C3orf20: variants seen among roughly 807,000 people sequenced by gnomAD.
C3orf20 encodes uncharacterized protein C3orf20.
A neutral mutation model predicts 88.3 loss-of-function variants in C3orf20; 76 were observed. The observed-to-expected ratio is 0.86, with a 90% CI of 0.72 to 1.04. C3orf20 has a LOEUF of 1.04. Ranked by LOEUF, C3orf20 falls within the 50% of genes least tolerant of loss-of-function variation. The pLI, the probability that C3orf20 is intolerant of heterozygous loss-of-function variation, is 0.00. For missense variants in C3orf20, 1,056 were observed against 1,123.3 expected, an observed-to-expected ratio of 0.94 and a Z score of 0.86; for synonymous variants, 436 against 437.4, an observed-to-expected ratio of 1.00 and a Z score of 0.04.
chr3:14,696,802 A>C (rs915143778), intron 5 of C3orf20, among the ~76,000 whole-genome samples: 1 of 151,894 alleles, frequency 6.6e-6, no homozygotes, highest in African/African-American at 2.4e-5. Context: ...TGAGTTTTAT[A>C]CTAACACCTT....
rs760309641 is a variant in C3orf20, at chr3:14,682,868, A to G, written c.155A>G (p.Glu52Gly). 3 of 1,614,196 alleles carry G rather than the reference A, an allele frequency of 1.9e-6. No homozygotes were observed. Among genetic ancestry groups the G allele is most frequent in the Non-Finnish European group, 2.5e-6 (3 of 1,180,032 alleles). The change falls in exon 3 of 17, where the codon GAA becomes GGA. Residue 52 changes from glutamate (E) to glycine (G), a missense_variant. Glu to Gly is a moderately conservative substitution (Grantham distance 98). Transcript: ENST00000253697. ...AGAAACATCTTTGAGTTCACTTGGG[A>G]AGAGCTCATCAGTGACCCTTCAGTG... ...GIRNIFEFTWEELISDPSVPT... is the reference protein window; with the variant it reads ...GIRNIFEFTWGELISDPSVPT...
rs556765066 is a variant in C3orf20, at chr3:14,688,543, A to G, written c.626-1454A>G. Among the ~76,000 whole-genome samples, 213 of 151,130 alleles carry G rather than the reference A, an allele frequency of 1.4e-3. 3 individuals are homozygous for G. Among genetic ancestry groups the G allele is most frequent in the Middle Eastern group, 0.014 (4 of 290 alleles). On this transcript the variant is annotated intron_variant, in intron 4 of 16. Coordinates refer to ENST00000253697, the MANE Select transcript of C3orf20 (RefSeq NM_032137.5). ...TGAGACTGTCTCAAAAAAAAAAAAA[A>G]AAAGAAAAAAAAGAAAAGAAAAAGA...
intron 1 of C3orf20, among the ~76,000 whole-genome samples, chr3:14,675,874 A>G (rs1234014287): frequency 6.6e-6 from 1 of 152,020 alleles, no homozygotes. Context: ...TATTTTTAGT[A>G]GAAATGGGGT....
chr3:14,683,246 G>A, intron 3 of C3orf20, 49 bp downstream of exon 3: 1 of 1,516,186 alleles, frequency 6.6e-7, no homozygotes, highest in Non-Finnish European at 8.8e-7. Flanking sequence ...ACTACAGACG[G>A]GCGTCTCAGA....
chr3:14,748,384 T>C (rs2035120508), intron 12 of C3orf20, among the ~76,000 whole-genome samples: 1 of 152,160 alleles, frequency 6.6e-6, no homozygotes, highest in Admixed American at 6.5e-5. Flanking sequence ...ATATTTAGTC[T>C]GCTCTATACA....
chr3:14,692,008 T>C lies in C3orf20; in HGVS notation c.745+1892T>C, dbSNP rs545481762. On this transcript the variant is annotated intron_variant, in intron 5 of 16. Transcript: ENST00000253697. ...AACATAAGAAGTTTGCCTTTCTGTG[T>C]CTGGCTTATTTCACTTAACATAATG... 5.9e-5 allele frequency among the ~76,000 whole-genome samples: 9 copies of C among 152,358 alleles called. No homozygotes were observed. The South Asian group carries it at 1.9e-3, about 32-fold the overall frequency.
intron 1 of C3orf20, among the ~76,000 whole-genome samples, chr3:14,676,541 A>G (rs1000743912): frequency 8.5e-5 from 13 of 152,160 alleles, no homozygotes; most frequent in Non-Finnish European, 1.9e-4. Flanking sequence ...TTATTTCACT[A>G]TAGGGAATGA....
At position 14,725,056 on chromosome 3, in the gene C3orf20, C is replaced by T. The variant is rs148449470; in HGVS notation, c.1567-1845C>T. Among the ~76,000 whole-genome samples, 417 of 152,250 alleles carry T rather than the reference C, an allele frequency of 2.7e-3. 1 individual carries two copies. Among genetic ancestry groups the T allele is most frequent in the African/African-American group, 9.3e-3 (388 of 41,540 alleles). On this transcript the variant is annotated intron_variant, in intron 10 of 16. Transcript: ENST00000253697. The stretch of plus-strand genomic sequence containing the variant: ...AGATTGACTTGCCAAAAAAGTGTTC[C>T]GATCATAACCTCTTTCGAGAGTGCA...
Position 14,701,774 on chromosome 3 carries a change from G to A in C3orf20, c.746-1356G>A, listed in dbSNP as rs528622711. ...GTGAATCAAAAGGGTCCAATTCAGT[G>A]AGGGCCGTCCAGCCCTGGAAATGCT... On this transcript the variant is annotated intron_variant, in intron 5 of 16. Coordinates refer to ENST00000253697, the MANE Select transcript of C3orf20 (RefSeq NM_032137.5). The surrounding 1 kb of genome is among the most constrained non-coding windows in gnomAD (Gnocchi z 4.6). Among the ~76,000 whole-genome samples, 1 of 152,298 alleles carries A rather than the reference G, an allele frequency of 6.6e-6. No individual in the cohort carries two copies. Among genetic ancestry groups the A allele is most frequent in the South Asian group, 2.1e-4 (1 of 4,820 alleles).
intron 10 of C3orf20, among the ~76,000 whole-genome samples, chr3:14,725,869 G>GAA (rs34447337): frequency 9.1e-5 from 12 of 132,514 alleles, no homozygotes; most frequent in African/African-American, 2.5e-4. Context: ...CAAAGGCAGT[G>GAA]AAAAAAAAAA....
chr3:14,745,839 A>G (rs1445901900), intron 12 of C3orf20, among the ~76,000 whole-genome samples: 1 of 152,214 alleles, frequency 6.6e-6, no homozygotes, highest in Non-Finnish European at 1.5e-5. Context: ...ACATATACAT[A>G]ATATAAAATT....
intron 7 of C3orf20, among the ~76,000 whole-genome samples, chr3:14,709,976 AG>A (rs977148136): frequency 7.9e-5 from 12 of 152,226 alleles, no homozygotes; most frequent in Non-Finnish European, 1.3e-4. Context: ...AGAATTCACC[AG>A]TGAAGCCATC....
At chr3:14,707,269 A>G (rs939889716) in intron 7 of C3orf20, among the ~76,000 whole-genome samples, 2 of 150,594 alleles carry the variant, frequency 1.3e-5, no homozygotes, top group African/African-American at 4.9e-5. Flanking sequence ...AAAAAAAAAG[A>G]TACGTCTGCA....
chr3:14,714,911 C>A (rs561845391), intron 8 of C3orf20, among the ~76,000 whole-genome samples: 2 of 152,318 alleles, frequency 1.3e-5, no homozygotes, highest in South Asian at 4.1e-4. Context: ...CTGGATTTGC[C>A]TGGCTTTGCC....
intron 7 of C3orf20, among the ~76,000 whole-genome samples, chr3:14,707,301 A>G (rs2033549043): frequency 6.6e-6 from 1 of 150,886 alleles, no homozygotes; most frequent in Non-Finnish European, 1.5e-5. Flanking sequence ...ATAAAGCTGT[A>G]AGCTATAATT....
chr3:14,742,775 G>A (rs898055697), intron 12 of C3orf20, among the ~76,000 whole-genome samples: 1 of 152,172 alleles, frequency 6.6e-6, no homozygotes, highest in African/African-American at 2.4e-5. Context: ...GGAGGCTAAA[G>A]GCTCTTCTTA....
chr3:14,767,950 C>T (rs1276569878), intron 15 of C3orf20, among the ~76,000 whole-genome samples: 1 of 152,230 alleles, frequency 6.6e-6, no homozygotes, highest in Non-Finnish European at 1.5e-5. Flanking sequence ...CCGTCAAGGG[C>T]TCTGTGAAAC....
chr3:14,754,642 G>C (rs1443653538), intron 12 of C3orf20, among the ~76,000 whole-genome samples: 5 of 152,186 alleles, frequency 3.3e-5, no homozygotes, highest in Non-Finnish European at 5.9e-5. Flanking sequence ...GTCAACGGAT[G>C]TGGTTTTTGA....
chr3:14,683,226 C>T (rs1559393353), intron 3 of C3orf20, 29 bp downstream of exon 3: 5 of 1,535,758 alleles, frequency 3.3e-6, no homozygotes, highest in Non-Finnish European at 3.5e-6. Context: ...TGTATGTGCC[C>T]ACCACACCCA....
Sources: allele counts gnomAD v4.1 joint callset (sites outside exome capture counted in the v4.1 genomes callset), GRCh38; gene constraint gnomAD v4.1.1; non-coding constraint Gnocchi (gnomAD v3.1); transcripts MANE v1.5; gene names NCBI Gene and HGNC (gene_info 2026-07-23, HGNC 2026-07-21).